LGMN: variants seen among roughly 807,000 people sequenced by gnomAD.
The protein encoded by LGMN is asparaginyl endopeptidase.
In LGMN, 36 loss-of-function variants were observed where a neutral mutation model predicts 56.8. The observed-to-expected ratio is 0.63, with a 90% confidence interval of 0.49 to 0.84. The LOEUF (loss-of-function observed/expected upper bound fraction) is 0.84, where lower values mean the gene tolerates loss of function less well. Ranked by LOEUF, LGMN falls within the 40% of genes least tolerant of loss-of-function variation. The probability of loss-of-function intolerance (pLI) is 0.00; values close to 1 mark genes in which losing one functional copy is unlikely to be tolerated. For synonymous variants in LGMN, 199 were observed against 210.1 expected, an observed-to-expected ratio of 0.95 and a Z score of 0.46; for missense variants, 446 against 556.1, an observed-to-expected ratio of 0.80 and a Z score of 1.99.
chr14:92,716,881 A>T (rs374620356), intron 4 of LGMN, among the ~76,000 whole-genome samples: 1 of 152,210 alleles, frequency 6.6e-6, no homozygotes, highest in Admixed American at 6.5e-5. Context: ...AAATGTGTCA[A>T]TTGAGACAGT....
chr14:92,739,143 T>C (rs1339192043), intron 1 of LGMN, among the ~76,000 whole-genome samples: 1 of 152,018 alleles, frequency 6.6e-6, no homozygotes. Context: ...CCCTTGGCAA[T>C]GAACATGCCT....
rs1889966232 is a variant in LGMN at position 92,714,551 on chromosome 14, G to T, written c.405-100C>A. The T allele has an allele frequency of 3.5e-6, 3 of 859,776 alleles. No homozygotes were observed. Among genetic ancestry groups the T allele is most frequent in the Middle Eastern group, 2.4e-4 (1 of 4,204 alleles). 53.3% of individuals were successfully genotyped at this position (859,776 alleles called of 1,614,324 possible). A position where few individuals can be genotyped will look rare whatever the true frequency, so the allele number is the denominator to read the frequency against. On this transcript the variant is annotated intron_variant, in intron 5 of 13. Coordinates refer to ENST00000334869, the MANE Select transcript of LGMN (RefSeq NM_005606.7). This position sits in a 1 kb window ranked among gnomAD's most constrained non-coding sequence, Gnocchi z 5.1. ...ATCAAAAAATTAAGAAGTTTGGGGA[G>T]TAGAGTTGCCCAACCAGGTTTGAAG...
intron 1 of LGMN, among the ~76,000 whole-genome samples, chr14:92,733,461 G>A (rs1177921389): frequency 3.3e-5 from 5 of 152,118 alleles, no homozygotes; most frequent in African/African-American, 1.2e-4. Context: ...TTCACTATTG[G>A]AAACATATCT....
intron 4 of LGMN, 38 bp downstream of exon 4, chr14:92,717,342 A>T: frequency 2.3e-6 from 3 of 1,290,796 alleles, no homozygotes; most frequent in Non-Finnish European, 3.3e-6. Context: ...CTAAAATGAA[A>T]ACTAAACCAG....
At chr14:92,709,267 G>A (rs183470207) in intron 11 of LGMN, among the ~76,000 whole-genome samples, 2 of 152,134 alleles carry the variant, frequency 1.3e-5, no homozygotes, top group East Asian at 3.9e-4. Context: ...AGCCCCCTAA[G>A]TAGCTGGGAC....
At chr14:92,710,870 G>A (rs1173752199) in intron 10 of LGMN, among the ~76,000 whole-genome samples, 1 of 152,212 alleles carries the variant, frequency 6.6e-6, no homozygotes, top group African/African-American at 2.4e-5. Flanking sequence ...TGCCCTGGGT[G>A]CAGGTCTCAT....
intron 2 of LGMN, among the ~76,000 whole-genome samples, chr14:92,723,150 G>A (rs751368052): frequency 1.3e-5 from 2 of 151,922 alleles, no homozygotes; most frequent in African/African-American, 4.8e-5. Flanking sequence ...GGGTGCAAGC[G>A]ATGCTACTGC....
chr14:92,719,668 CTCT>C (rs2140235864), intron 2 of LGMN, among the ~76,000 whole-genome samples: 1 of 152,256 alleles, frequency 6.6e-6, no homozygotes, highest in East Asian at 1.9e-4. Context: ...TGAGAAATTG[CTCT>C]TAAGTTTTAA....
At position 92,714,270 on chromosome 14, in the gene LGMN, C is replaced by A; in HGVS notation, c.480+106G>T. On this transcript the variant is annotated intron_variant, in intron 6 of 13. Coordinates refer to ENST00000334869, the MANE Select transcript of LGMN (RefSeq NM_005606.7). This position sits in a 1 kb window ranked among gnomAD's most constrained non-coding sequence, Gnocchi z 5.1. The stretch of plus-strand genomic sequence containing the variant: ...ACTCCCACCCACCACACGTACAAAC[C>A]AACCCTGGCAGGACACTAGAAAATA... The A allele has an allele frequency of 1.3e-6, 1 of 787,242 alleles. No individual in the cohort carries two copies. Among genetic ancestry groups the A allele is most frequent in the East Asian group, 2.5e-5 (1 of 39,300 alleles). The allele number at this position is 787,242 out of a possible 1,614,324, so 48.8% of individuals were successfully genotyped here.
At chr14:92,711,353 T>A (rs1889759262) in intron 10 of LGMN, among the ~76,000 whole-genome samples, 1 of 152,198 alleles carries the variant, frequency 6.6e-6, no homozygotes, top group African/African-American at 2.4e-5. Flanking sequence ...TTAGCATAAG[T>A]AACGCATAGC....
chr14:92,728,260 T>C (rs1376290320), intron 2 of LGMN, among the ~76,000 whole-genome samples: 8 of 152,216 alleles, frequency 5.3e-5, no homozygotes, highest in Admixed American at 2.6e-4. Flanking sequence ...ATTAGTTAGA[T>C]TCTCACAAGG....
intron 3 of LGMN, among the ~76,000 whole-genome samples, chr14:92,717,854 C>G (rs1006524322): frequency 6.6e-6 from 1 of 152,156 alleles, no homozygotes; most frequent in Non-Finnish European, 1.5e-5. Flanking sequence ...GGCGTTAAAG[C>G]GTCAGAGTGG....
intron 2 of LGMN, among the ~76,000 whole-genome samples, chr14:92,719,263 A>ACCGCCGCCGCCGCCGCCG (rs1187585709): frequency 3.1e-5 from 2 of 65,114 alleles, no homozygotes. Context: ...CACCACCGCC[A>ACCGCCGCCGCCGCCGCCG]CCGCCGCCGC....
intron 7 of LGMN, 25 bp downstream of exon 7, chr14:92,713,798 A>G (rs757789365): frequency 6.4e-7 from 1 of 1,571,756 alleles, no homozygotes; most frequent in Non-Finnish European, 8.8e-7. Flanking sequence ...CCGCCCCCAC[A>G]AGGCTGCCCC....
At chr14:92,733,484 G>A (rs902621301) in intron 1 of LGMN, among the ~76,000 whole-genome samples, 1 of 152,176 alleles carries the variant, frequency 6.6e-6, no homozygotes, top group Non-Finnish European at 1.5e-5. Flanking sequence ...CACATACTAT[G>A]AAGTATTTGT....
intron 2 of LGMN, among the ~76,000 whole-genome samples, chr14:92,721,317 C>T (rs1278198394): frequency 1.3e-5 from 2 of 152,122 alleles, no homozygotes; most frequent in African/African-American, 4.8e-5. Context: ...GAAGAAGGGG[C>T]CATGAGCCAA....
intron 1 of LGMN, among the ~76,000 whole-genome samples, chr14:92,743,983 G>A (rs1452620228): frequency 6.7e-6 from 1 of 149,606 alleles, no homozygotes; most frequent in Non-Finnish European, 1.5e-5. Flanking sequence ...GTGAAACCCC[G>A]TCTCTACTAA....
chr14:92,727,831 C>A (rs1890816905), intron 2 of LGMN, among the ~76,000 whole-genome samples: 1 of 152,142 alleles, frequency 6.6e-6, no homozygotes, highest in South Asian at 2.1e-4. Context: ...AGGCTGGGGG[C>A]TCCTGATCAG....
intron 2 of LGMN, chr14:92,732,434 C>T: frequency 1.9e-6 from 1 of 527,656 alleles, no homozygotes; most frequent in Non-Finnish European, 3.3e-6. Context: ...AATGACCAAA[C>T]TGTTTTCCAA....
Sources: allele counts gnomAD v4.1 joint callset (sites outside exome capture counted in the v4.1 genomes callset), GRCh38; gene constraint gnomAD v4.1.1; non-coding constraint Gnocchi (gnomAD v3.1); transcripts MANE v1.5; gene names NCBI Gene and HGNC (gene_info 2026-07-23, HGNC 2026-07-21).